NSUN3: variants seen among roughly 807,000 people sequenced by gnomAD.
NSUN3 encodes tRNA (cytosine(34)-C(5))-methyltransferase, mitochondrial.
A neutral mutation model predicts 36.8 loss-of-function variants in NSUN3; 24 were observed. That is an observed-to-expected ratio of 0.65 (90% CI 0.47 to 0.92). NSUN3 has a LOEUF of 0.92. Among genes scored for constraint, NSUN3 ranks in the 40% least tolerant of loss-of-function variants. The pLI, the probability that NSUN3 is intolerant of heterozygous loss-of-function variation, is 0.00. For synonymous variants in NSUN3, 146 were observed against 145.2 expected, an observed-to-expected ratio of 1.01 and a Z score of -0.04; for missense variants, 381 against 392.8, an observed-to-expected ratio of 0.97 and a Z score of 0.25.
chr3:94,119,924 G>A (rs1015856003), intron 5 of NSUN3, among the ~76,000 whole-genome samples: 4 of 152,232 alleles, frequency 2.6e-5, no homozygotes, highest in African/African-American at 7.2e-5. Flanking sequence ...AAATTAATGT[G>A]GGCAGTTAAG....
intron 2 of NSUN3, among the ~76,000 whole-genome samples, chr3:94,067,690 A>T (rs2077210587): frequency 6.6e-6 from 1 of 152,218 alleles, no homozygotes; most frequent in Non-Finnish European, 1.5e-5. Context: ...TTTATGAATA[A>T]TAACAATCCT....
intron 5 of NSUN3, among the ~76,000 whole-genome samples, chr3:94,123,510 G>T (rs2077472746): frequency 6.6e-6 from 1 of 152,048 alleles, no homozygotes; most frequent in African/African-American, 2.4e-5. Context: ...CTCTTTGGAG[G>T]CATTAAACAC....
At chr3:94,093,397 A>G (rs1279174577) in intron 3 of NSUN3, among the ~76,000 whole-genome samples, 2 of 152,122 alleles carry the variant, frequency 1.3e-5, no homozygotes, top group Non-Finnish European at 2.9e-5. Flanking sequence ...TTTCCCTTCT[A>G]CGTTAAACTG....
At chr3:94,071,685 A>G (rs1402733187) in intron 2 of NSUN3, among the ~76,000 whole-genome samples, 1 of 152,124 alleles carries the variant, frequency 6.6e-6, no homozygotes, top group Non-Finnish European at 1.5e-5. Context: ...GTATGTCTCC[A>G]GTTCTGCTGG....
rs1358144110 is a variant in NSUN3, at chr3:94,130,857, A to G, written c.*4367A>G. Among the ~76,000 whole-genome samples, 4 of 152,158 alleles carry G rather than the reference A, an allele frequency of 2.6e-5. No homozygotes were observed. The highest frequency in any genetic ancestry group is 9.7e-5 in the African/African-American group (4 of 41,430). On this transcript the variant is annotated 3_prime_UTR_variant, in exon 6 of 6. Transcript: ENST00000314622. Reference sequence around the variant, plus strand: ...TTTTAACCTTTCCTGGTCAGGTGCCAGGCCAGTCCTGCAAAGCCAGCAAAG... The same window carrying G: ...TTTTAACCTTTCCTGGTCAGGTGCCGGGCCAGTCCTGCAAAGCCAGCAAAG...
chr3:94,074,746 GCAAA>G (rs1409953451), intron 2 of NSUN3, among the ~76,000 whole-genome samples: 7 of 152,310 alleles, frequency 4.6e-5, no homozygotes, highest in South Asian at 4.1e-4. Context: ...CATGTCATCT[GCAAA>G]CAGAGACAAT....
chr3:94,111,623 T>TTTTTTTTTTTTAACACATACTTTA (rs2077418111), intron 5 of NSUN3, among the ~76,000 whole-genome samples: 1 of 152,116 alleles, frequency 6.6e-6, no homozygotes. Flanking sequence ...TGTTAAAAAC[T>TTTTTTTTTTTTAACACATACTTTA]AAGATGCAAA....
At chr3:94,085,589 T>A (rs1278307654) in intron 3 of NSUN3, among the ~76,000 whole-genome samples, 3 of 152,154 alleles carry the variant, frequency 2.0e-5, no homozygotes, top group Non-Finnish European at 4.4e-5. Flanking sequence ...AAACCCTGTC[T>A]GTACAAAAAG....
At chr3:94,063,357 C>G in intron 1 of NSUN3, 1 of 547,098 alleles carries the variant, frequency 1.8e-6, no homozygotes, top group East Asian at 2.8e-5. Flanking sequence ...AGTACCCACT[C>G]CCTCCAGCTC....
At position 94,095,146 on chromosome 3, in the gene NSUN3, G is replaced by A. The variant is rs750437481; in HGVS notation, c.735G>A (p.Glu245=). 8 of 1,613,650 alleles carry A rather than the reference G, an allele frequency of 5.0e-6. No homozygotes were observed. In the South Asian group the frequency reaches 6.6e-5, roughly 13 times the overall value. Residue 245 remains glutamate (E), a synonymous_variant, in exon 5 of 6, where the codon GAG becomes GAA. Coordinates refer to ENST00000314622, the MANE Select transcript of NSUN3 (RefSeq NM_022072.5). ...GGAATTTGCCTCTTCTACAGATAGA[G>A]CTGTTAAGGTAAGGACTGTTAATAC... ...QRRNLPLLQI[E]LLRSAIKALR... is the part of the protein sequence containing the mutation.
In NSUN3 at chr3:94,129,012, G is replaced by C. The variant is rs2077499471; in HGVS notation, c.*2522G>C. On this transcript the variant is annotated 3_prime_UTR_variant, in exon 6 of 6. Coordinates refer to ENST00000314622, the MANE Select transcript of NSUN3 (RefSeq NM_022072.5). Reference sequence around the variant, plus strand: ...AAAATAAAAAATAACAGACGCTGATGAGGCTGTGGAGAAAAGGAACTGCTT... The same window carrying C: ...AAAATAAAAAATAACAGACGCTGATCAGGCTGTGGAGAAAAGGAACTGCTT... Among the ~76,000 whole-genome samples the C allele has an allele frequency of 6.6e-6, 1 of 152,202 alleles. No homozygotes were observed. The highest frequency in any genetic ancestry group is 2.1e-4 in the South Asian group (1 of 4,828).
At chr3:94,102,202 T>A (rs1378724030) in intron 5 of NSUN3, among the ~76,000 whole-genome samples, 3 of 101,576 alleles carry the variant, frequency 3.0e-5, no homozygotes, top group East Asian at 2.9e-4. Context: ...AAAGAAACGT[T>A]AAAAAAAAAA....
intron 2 of NSUN3, chr3:94,076,505 C>T: frequency 1.3e-6 from 1 of 787,326 alleles, no homozygotes; most frequent in South Asian, 1.3e-5. Flanking sequence ...TACTGTATGC[C>T]CTGTAAAGAT....
intron 2 of NSUN3, among the ~76,000 whole-genome samples, chr3:94,068,807 C>T (rs200479632): frequency 5.8e-4 from 80 of 137,530 alleles, no homozygotes; most frequent in African/African-American, 2.1e-3. Flanking sequence ...CACACACACA[C>T]ATACACACAC....
intron 2 of NSUN3, among the ~76,000 whole-genome samples, chr3:94,074,507 A>AG (rs2077238699): frequency 6.6e-6 from 1 of 152,138 alleles, no homozygotes; most frequent in South Asian, 2.1e-4. Flanking sequence ...TTCTCCTTGA[A>AG]GAGGTCCTTC....
chr3:94,101,274 G>A lies in NSUN3; in HGVS notation c.743+6120G>A, dbSNP rs1215491742. On this transcript the variant is annotated intron_variant, in intron 5 of 5. Transcript: ENST00000314622. ...TCCCAAGTGCTGAGACCATAAGCAC[G>A]AGCCACTGTGCCCAGCACTGATGTT... Among the ~76,000 whole-genome samples the A allele has an allele frequency of 3.9e-5, 6 of 152,132 alleles. No individual in the cohort carries two copies. In the East Asian group the frequency reaches 1.2e-3, roughly 29 times the overall value.
intron 5 of NSUN3, among the ~76,000 whole-genome samples, chr3:94,097,319 A>C (rs2077346144): frequency 3.3e-5 from 5 of 152,096 alleles, no homozygotes; most frequent in South Asian, 2.1e-4. Context: ...AATACATTTT[A>C]AAATAACTTT....
At position 94,094,949 on chromosome 3, in the gene NSUN3, G is replaced by A. The variant is rs1048941648; in HGVS notation, c.622-84G>A. On this transcript the variant is annotated intron_variant, in intron 4 of 5. Coordinates refer to ENST00000314622, the MANE Select transcript of NSUN3 (RefSeq NM_022072.5). The stretch of plus-strand genomic sequence containing the variant: ...TACTTATTTCCTATTTGTTTACCAT[G>A]TTTTAGAGAACTTCTCTATCTACTT... The A allele has an allele frequency of 5.2e-5, 71 of 1,376,188 alleles. No homozygotes were observed. The African/African-American group carries it at 9.7e-4, about 19-fold the overall frequency. 85.2% of individuals were successfully genotyped at this position (1,376,188 alleles called of 1,614,324 possible). A position where few individuals can be genotyped will look rare whatever the true frequency, so the allele number is the denominator to read the frequency against.
intron 3 of NSUN3, among the ~76,000 whole-genome samples, chr3:94,089,886 G>A (rs2077307535): frequency 6.6e-6 from 1 of 152,184 alleles, no homozygotes; most frequent in South Asian, 2.1e-4. Flanking sequence ...TTCTTCTGAG[G>A]AGGCAAGAAT....
Sources: gnomAD v4.1 joint callset for allele counts (sites outside exome capture counted in the v4.1 genomes callset) on GRCh38, gnomAD v4.1.1 for gene constraint, MANE v1.5 for transcripts, NCBI Gene and HGNC (gene_info 2026-07-23, HGNC 2026-07-21) for gene names.